The following SIPA1L1 variants were observed in gnomAD, a reference collection of about 807,000 sequenced individuals.
SIPA1L1 encodes signal-induced proliferation-associated 1-like protein 1.
SIPA1L1 carries 26 observed loss-of-function variants against 162.7 expected under a neutral mutation model. The observed-to-expected ratio is 0.16, with a 90% CI of 0.12 to 0.22. SIPA1L1 has a LOEUF of 0.22. SIPA1L1 is among the 10% of genes least tolerant of loss of function. SIPA1L1 has a pLI of 1.00. For missense variants in SIPA1L1, 1,874 were observed against 2,241.0 expected (o/e 0.84, Z 3.31); for synonymous variants, 829 against 837.4 (o/e 0.99, Z 0.17).
chr14:71,416,728 C>T (rs1039012554), intron 2 of SIPA1L1, among the ~76,000 whole-genome samples: 1 of 106,530 alleles, frequency 9.4e-6, no homozygotes, highest in Non-Finnish European at 2.5e-5. Context: ...TCTACACACA[C>T]ACACACACAC....
At chr14:71,653,914 TG>T (rs1470709905) in intron 8 of SIPA1L1, among the ~76,000 whole-genome samples, 2 of 152,096 alleles carry the variant, frequency 1.3e-5, no homozygotes, top group Non-Finnish European at 2.9e-5. Flanking sequence ...ATCCCAGTAG[TG>T]TGGTTAATGA....
Position 71,444,936 on chromosome 14 carries a change from TC to T in SIPA1L1, c.-464-67805del, listed in dbSNP as rs1342312094. Among the ~76,000 whole-genome samples, 3 of 152,128 alleles carry T rather than the reference TC, an allele frequency of 2.0e-5. No homozygotes were observed. The East Asian group carries it at 5.8e-4, about 29-fold the overall frequency. On this transcript the variant is annotated intron_variant, in intron 2 of 23. Coordinates refer to ENST00000381232, the MANE Select transcript of SIPA1L1 (RefSeq NM_001386936.1). The stretch of plus-strand genomic sequence containing the variant: ...TTGTTCTGTGCCTAGAAGAGACAGT[TC>T]CTAAACATGGGAAGATACCTCCACC...
At chr14:71,658,583 A>G (rs1215760741) in intron 9 of SIPA1L1, 147 bp downstream of exon 9, 1 of 654,154 alleles carries the variant, frequency 1.5e-6, no homozygotes, top group African/African-American at 1.9e-5. Flanking sequence ...GAAGTAAGGA[A>G]TAGCAAATGA....
intron 17 of SIPA1L1, among the ~76,000 whole-genome samples, chr14:71,718,205 C>T (rs868731092): frequency 1.5e-4 from 23 of 152,156 alleles, no homozygotes; most frequent in African/African-American, 2.9e-4. Context: ...TCCCAGGTGA[C>T]GCTCACAGGC....
chr14:71,433,609 A>G lies in SIPA1L1; in HGVS notation c.-464-79134A>G, dbSNP rs141714695. On this transcript the variant is annotated intron_variant, in intron 2 of 23. Transcript: ENST00000381232. ...TGGGATTACAGGCGTAAGCCACTGC[A>G]CCTAGTGCTTGTCTGGACATTCTTA... is the stretch of plus-strand genomic sequence containing the variant. Among the ~76,000 whole-genome samples, 94 of 151,546 alleles carry G rather than the reference A, an allele frequency of 6.2e-4. 1 individual carries two copies. Among genetic ancestry groups the G allele is most frequent in the African/African-American group, 2.1e-3 (87 of 41,356 alleles).
chr14:71,393,366 G>A (rs898945263), intron 2 of SIPA1L1, among the ~76,000 whole-genome samples: 10 of 152,190 alleles, frequency 6.6e-5, no homozygotes, highest in African/African-American at 2.2e-4. Flanking sequence ...GAAATCTGTG[G>A]TAAGAAATGT....
intron 2 of SIPA1L1, among the ~76,000 whole-genome samples, chr14:71,445,103 T>A (rs1256871765): frequency 6.6e-6 from 1 of 152,222 alleles, no homozygotes; most frequent in African/African-American, 2.4e-5. Context: ...ATAATTATAG[T>A]TAGTGGAAGA....
At chr14:71,324,743 C>T (rs2033583753) in intron 2 of SIPA1L1, among the ~76,000 whole-genome samples, 1 of 152,082 alleles carries the variant, frequency 6.6e-6, no homozygotes. Flanking sequence ...TCTTTTTCTT[C>T]TCTTTTTAAA....
intron 17 of SIPA1L1, among the ~76,000 whole-genome samples, chr14:71,715,908 A>G (rs1019174858): frequency 1.3e-5 from 2 of 152,218 alleles, no homozygotes; most frequent in African/African-American, 4.8e-5. Flanking sequence ...TAATGTTCAT[A>G]GATATCTTGT....
chr14:71,443,162 G>A (rs1188193235), intron 2 of SIPA1L1, among the ~76,000 whole-genome samples: 1 of 151,940 alleles, frequency 6.6e-6, no homozygotes, highest in Admixed American at 6.6e-5. Flanking sequence ...CCTGAGATTC[G>A]GTTTTTATTC....
intron 2 of SIPA1L1, among the ~76,000 whole-genome samples, chr14:71,453,898 G>A (rs2045991927): frequency 6.7e-6 from 1 of 149,750 alleles, no homozygotes; most frequent in Non-Finnish European, 1.5e-5. Context: ...GTAGGCTGAG[G>A]CAGGAGAATT....
At chr14:71,366,359 T>A (rs967896020) in intron 2 of SIPA1L1, among the ~76,000 whole-genome samples, 3 of 152,084 alleles carry the variant, frequency 2.0e-5, no homozygotes, top group Non-Finnish European at 2.9e-5. Context: ...GATGCCAGTG[T>A]TTTCAGTTTT....
chr14:71,473,935 C>T (rs1319896474), intron 2 of SIPA1L1, among the ~76,000 whole-genome samples: 1 of 152,212 alleles, frequency 6.6e-6, no homozygotes, highest in East Asian at 1.9e-4. Context: ...GAACCTTGCT[C>T]ATGTCATCTG....
intron 2 of SIPA1L1, among the ~76,000 whole-genome samples, chr14:71,470,588 C>T (rs543643774): frequency 2.0e-5 from 3 of 152,056 alleles, no homozygotes; most frequent in Non-Finnish European, 4.4e-5. Flanking sequence ...GATCACCTGG[C>T]GGAGCTGCTT....
intron 17 of SIPA1L1, among the ~76,000 whole-genome samples, chr14:71,712,830 C>T (rs937678289): frequency 1.3e-5 from 2 of 152,206 alleles, no homozygotes; most frequent in African/African-American, 4.8e-5. Context: ...GTTTTGGTGT[C>T]CACGGTTGTT....
intron 2 of SIPA1L1, among the ~76,000 whole-genome samples, chr14:71,502,550 A>G (rs2050346663): frequency 6.6e-6 from 1 of 151,966 alleles, no homozygotes; most frequent in Admixed American, 6.6e-5. Flanking sequence ...CCAGCCTAGA[A>G]TCTTGAGTAT....
At chr14:71,379,272 C>A (rs532671058) in intron 2 of SIPA1L1, among the ~76,000 whole-genome samples, 3 of 150,934 alleles carry the variant, frequency 2.0e-5, no homozygotes, top group African/African-American at 7.3e-5. Flanking sequence ...CATCCACTTA[C>A]TTACATTACA....
At chr14:71,701,381 T>C (rs2149827650) in intron 14 of SIPA1L1, among the ~76,000 whole-genome samples, 1 of 150,648 alleles carries the variant, frequency 6.6e-6, no homozygotes, top group East Asian at 1.9e-4. Flanking sequence ...CACACCAGGC[T>C]AATTTTTTTT....
chr14:71,700,994 C>CAAAAAAAAAA (rs539293669), intron 14 of SIPA1L1, among the ~76,000 whole-genome samples: 28 of 51,750 alleles, frequency 5.4e-4, no homozygotes, highest in Non-Finnish European at 6.7e-4. Context: ...GACTCCGTCT[C>CAAAAAAAAAA]AAAAAAAAAA....
Sources: gnomAD v4.1 joint callset for allele counts (sites outside exome capture counted in the v4.1 genomes callset) on GRCh38, gnomAD v4.1.1 for gene constraint, MANE v1.5 for transcripts, NCBI Gene and HGNC (gene_info 2026-07-23, HGNC 2026-07-21) for gene names.